The following RBMS3 variants were observed in gnomAD, a reference collection of about 807,000 sequenced individuals.
RBMS3 encodes RNA binding motif single stranded interacting protein 3.
RBMS3 carries 27 observed loss-of-function variants against 66.8 expected under a neutral mutation model. That is an observed-to-expected ratio of 0.40 (90% CI 0.30 to 0.56). RBMS3 has a LOEUF of 0.56. RBMS3 is among the 20% of genes least tolerant of loss of function. RBMS3 has a pLI of 0.40. For synonymous variants in RBMS3, 188 were observed against 183.0 expected, an observed-to-expected ratio of 1.03 and a Z score of -0.22; for missense variants, 513 against 549.5, an observed-to-expected ratio of 0.93 and a Z score of 0.66.
chr3:29,884,726 A>T (rs1014681735), intron 8 of RBMS3, among the ~76,000 whole-genome samples: 1 of 151,954 alleles, frequency 6.6e-6, no homozygotes, highest in African/African-American at 2.4e-5. Context: ...CATATAGCTT[A>T]AACTTCCTCC....
intron 1 of RBMS3, among the ~76,000 whole-genome samples, chr3:29,425,079 C>T (rs564041708): frequency 6.6e-6 from 1 of 151,506 alleles, no homozygotes. Flanking sequence ...CGCGGTGTCT[C>T]ATGCCTGTAA....
At chr3:29,726,024 T>C (rs142931647) in intron 4 of RBMS3, among the ~76,000 whole-genome samples, 1 of 152,328 alleles carries the variant, frequency 6.6e-6, no homozygotes, top group African/African-American at 2.4e-5. Context: ...TCAAGTTGGC[T>C]TCATCCCAGG....
At chr3:29,340,699 A>G (rs1575576953) in intron 1 of RBMS3, among the ~76,000 whole-genome samples, 1 of 152,246 alleles carries the variant, frequency 6.6e-6, no homozygotes. Flanking sequence ...AAAATCCCCT[A>G]AAACCAATTC....
intron 12 of RBMS3, among the ~76,000 whole-genome samples, chr3:29,976,760 G>T (rs901410755): frequency 2.0e-5 from 3 of 150,096 alleles, no homozygotes; most frequent in African/African-American, 7.6e-5. Flanking sequence ...ATGTGAAATG[G>T]TATCAATTTG....
chr3:29,519,375 T>G (rs979098508), intron 3 of RBMS3, among the ~76,000 whole-genome samples: 3 of 152,074 alleles, frequency 2.0e-5, no homozygotes, highest in African/African-American at 7.2e-5. Context: ...GGGACAGATG[T>G]GGGATGCAAG....
At chr3:29,337,591 G>A (rs566903028) in intron 1 of RBMS3, among the ~76,000 whole-genome samples, 3 of 152,110 alleles carry the variant, frequency 2.0e-5, no homozygotes, top group African/African-American at 7.2e-5. Flanking sequence ...GGGAACTGTG[G>A]GCTATGATCA....
chr3:29,897,004 A>G (rs2060137395), intron 8 of RBMS3, among the ~76,000 whole-genome samples: 1 of 151,630 alleles, frequency 6.6e-6, no homozygotes, highest in Non-Finnish European at 1.5e-5. Context: ...GAAGACATAG[A>G]TGCAATTCCT....
chr3:29,886,087 C>T (rs1418584449), intron 8 of RBMS3, among the ~76,000 whole-genome samples: 1 of 151,808 alleles, frequency 6.6e-6, no homozygotes, highest in Non-Finnish European at 1.5e-5. Context: ...ATATTTCTAA[C>T]TTCTTACATC....
intron 6 of RBMS3, among the ~76,000 whole-genome samples, chr3:29,818,608 A>G (rs1438621895): frequency 3.3e-5 from 5 of 152,108 alleles, no homozygotes; most frequent in Non-Finnish European, 2.9e-5. Context: ...TTCCAATGCG[A>G]CCTTGATTTC....
In RBMS3 at chr3:29,696,851, G is replaced by C. The variant is rs186123348; in HGVS notation, c.400-42869G>C. The C allele has an allele frequency of 2.3e-5, 15 of 645,778 alleles. No homozygotes were observed. In the Admixed American group the frequency reaches 8.8e-4, roughly 38 times the overall value. 40.0% of individuals were successfully genotyped at this position (645,778 alleles called of 1,614,324 possible). On this transcript the variant is annotated intron_variant, in intron 4 of 14. Transcript: ENST00000383767. ...GAGCCAGTGTAGGGTACACATCTTAGAGTCATCATACACAAGGGGTGAGGG... is the reference window on the plus strand; with the variant it reads ...GAGCCAGTGTAGGGTACACATCTTACAGTCATCATACACAAGGGGTGAGGG...
intron 5 of RBMS3, among the ~76,000 whole-genome samples, chr3:29,747,014 T>A (rs1173803761): frequency 6.6e-6 from 1 of 152,204 alleles, no homozygotes; most frequent in Non-Finnish European, 1.5e-5. Flanking sequence ...GCTCATAACA[T>A]GTCTTTGACC....
chr3:29,694,045 G>A (rs147624040), intron 4 of RBMS3, among the ~76,000 whole-genome samples: 9 of 152,218 alleles, frequency 5.9e-5, no homozygotes, highest in Admixed American at 2.6e-4. Flanking sequence ...GAACACTTAC[G>A]CAGTGAACAC....
At chr3:29,690,350 TGAA>T (rs1334783415) in intron 4 of RBMS3, among the ~76,000 whole-genome samples, 10 of 151,816 alleles carry the variant, frequency 6.6e-5, no homozygotes, top group African/African-American at 2.2e-4. Flanking sequence ...CTTGGGAAGT[TGAA>T]GAAGGAGGAT....
rs571448366 is a variant in RBMS3 at position 29,481,037 on chromosome 3, A to G, written c.249-7404A>G. Among the ~76,000 whole-genome samples the G allele has an allele frequency of 2.6e-5, 4 of 152,272 alleles. No homozygotes were observed. The South Asian group carries it at 8.3e-4, about 32-fold the overall frequency. ...TCTGAGATTGGATCCTGCTTTTGCT[A>G]CTTCCTAGTCATGTGACCCTGGGAA... On this transcript the variant is annotated intron_variant, in intron 2 of 14. Transcript: ENST00000383767.
chr3:29,557,598 A>G (rs2046407715), intron 3 of RBMS3, among the ~76,000 whole-genome samples: 1 of 152,248 alleles, frequency 6.6e-6, no homozygotes, highest in African/African-American at 2.4e-5. Flanking sequence ...ACCACTGTTC[A>G]GGATACTCAC....
At chr3:29,625,507 A>G (rs951218091) in intron 4 of RBMS3, among the ~76,000 whole-genome samples, 2 of 151,996 alleles carry the variant, frequency 1.3e-5, no homozygotes, top group African/African-American at 4.8e-5. Flanking sequence ...CAGCCCGACC[A>G]AAGTGGTGAA....
Position 29,434,793 on chromosome 3 carries a change from AAACAGCAGCAGC to A in RBMS3, c.131_142del (p.Ser44_Asn47del). The A allele has an allele frequency of 6.2e-7, 1 of 1,614,112 alleles. No individual in the cohort carries two copies. Among genetic ancestry groups the A allele is most frequent in the East Asian group, 2.2e-5 (1 of 44,870 alleles). On this transcript the variant is annotated inframe_deletion, in exon 2 of 15. Transcript: ENST00000383767. ...CCATGGCTCCTCCCAGCCCCAGCAC[AAACAGCAGCAGC>A]AACAACAGCAGCAACAACAGCAGCG...
chr3:29,733,876 G>A (rs1263096299), intron 4 of RBMS3, among the ~76,000 whole-genome samples: 1 of 151,970 alleles, frequency 6.6e-6, no homozygotes, highest in Admixed American at 6.6e-5. Context: ...TTACAGTTTG[G>A]GGGTCTTACA....
intron 1 of RBMS3, among the ~76,000 whole-genome samples, chr3:29,319,053 G>C (rs774246303): frequency 3.5e-4 from 53 of 151,946 alleles, no homozygotes; most frequent in Admixed American, 1.4e-3. Context: ...CTTCAGCGTG[G>C]CTTCAGCAAT....
Sources: gnomAD v4.1 joint callset for allele counts (sites outside exome capture counted in the v4.1 genomes callset) on GRCh38, gnomAD v4.1.1 for gene constraint, MANE v1.5 for transcripts, NCBI Gene and HGNC (gene_info 2026-07-23, HGNC 2026-07-21) for gene names.